The following SRBD1 variants were observed in gnomAD, a reference collection of about 807,000 sequenced individuals.
SRBD1 encodes the protein S1 RNA binding domain 1, also known as S1 RNA-binding domain-containing protein 1.
SRBD1 carries 88 observed loss-of-function variants against 115.3 expected under a neutral mutation model. The ratio of observed to expected loss-of-function variants is 0.76; its 90% CI spans 0.64 to 0.91. SRBD1 has a LOEUF of 0.91. Ranked by LOEUF, SRBD1 falls within the 40% of genes least tolerant of loss-of-function variation. The pLI is 0.00. For missense variants in SRBD1, 1,385 were observed against 1,177.4 expected (o/e 1.18, Z -2.58); for synonymous variants, 509 against 407.7 (o/e 1.25, Z -2.99).
intron 14 of SRBD1, among the ~76,000 whole-genome samples, chr2:45,545,022 T>C (rs62128585): frequency 0.52 from 79,084 of 151,818 alleles, 21,067 homozygotes; most frequent in African/African-American, 0.56. Flanking sequence ...GGCTCATGCC[T>C]GTAATCGCAG....
At chr2:45,438,197 C>G (rs1158150916) in intron 16 of SRBD1, among the ~76,000 whole-genome samples, 1 of 151,958 alleles carries the variant, frequency 6.6e-6, no homozygotes, top group African/African-American at 2.4e-5. Context: ...GAAAAAAATC[C>G]CTATATGATT....
chr2:45,579,982 G>T lies in SRBD1; in HGVS notation c.965C>A (p.Thr322Asn), dbSNP rs764163314. ...SAPYKTGSKG[T>N]KAQRARQLGL... The stretch of plus-strand genomic sequence containing the variant: ...CAACTGTCTTGCTCTCTGGGCTTTA[G>T]TCCCTTTGCTTCCAGTTTTATATGG... Residue 322 changes from threonine to asparagine, a missense_variant, in exon 7 of 21, where the codon ACT becomes AAT. By Grantham distance (65) the Thr-to-Asn change is moderately conservative. Transcript: ENST00000263736. 1.3e-6 allele frequency: 2 copies of T among 1,592,610 alleles called. No homozygotes were observed. Among genetic ancestry groups the T allele is most frequent in the South Asian group, 2.3e-5 (2 of 87,360 alleles).
At chr2:45,424,223 C>CAG (rs1225002283) in intron 16 of SRBD1, among the ~76,000 whole-genome samples, 1 of 152,084 alleles carries the variant, frequency 6.6e-6, no homozygotes, top group Non-Finnish European at 1.5e-5. Context: ...TTAGTTGCCT[C>CAG]ATACTTTGTG....
intron 19 of SRBD1, among the ~76,000 whole-genome samples, chr2:45,393,650 G>A (rs1216333619): frequency 2.6e-5 from 4 of 152,182 alleles, no homozygotes; most frequent in African/African-American, 9.7e-5. Context: ...AAAGTGCTGG[G>A]ATTACAGGCG....
intron 14 of SRBD1, among the ~76,000 whole-genome samples, chr2:45,507,856 C>A (rs763920383): frequency 6.6e-6 from 1 of 152,066 alleles, no homozygotes; most frequent in African/African-American, 2.4e-5. Context: ...AATTGTTGGG[C>A]CTAATTTTTG....
intron 16 of SRBD1, among the ~76,000 whole-genome samples, chr2:45,445,397 C>A (rs1668789940): frequency 6.7e-6 from 1 of 149,448 alleles, no homozygotes; most frequent in Non-Finnish European, 1.5e-5. Context: ...CTGTCAAAAT[C>A]TAATAATGAA....
intron 14 of SRBD1, among the ~76,000 whole-genome samples, chr2:45,517,140 A>G (rs1447680490): frequency 6.6e-6 from 1 of 152,216 alleles, no homozygotes; most frequent in Non-Finnish European, 1.5e-5. Flanking sequence ...TATCTAAAGC[A>G]CCATATAATC....
At chr2:45,465,809 C>T (rs1669469601) in intron 16 of SRBD1, among the ~76,000 whole-genome samples, 1 of 152,102 alleles carries the variant, frequency 6.6e-6, no homozygotes, top group African/African-American at 2.4e-5. Flanking sequence ...CATTTGTGAC[C>T]AGGCTACATT....
At position 45,551,186 on chromosome 2, in the gene SRBD1, GGT is replaced by G; in HGVS notation, c.1612_1613del (p.Thr538LeufsTer9). On this transcript the variant is annotated frameshift_variant, in exon 12 of 21. Transcript: ENST00000263736. LOFTEE classifies it high-confidence loss of function. ...LLLTSPVPGR[T>X]LMGVDPGYKH... ...TATAACCAGGATCCACTCCCATTAA[GGT>G]GCGCCCTGGAACAGGGCTTGTTAAA... The G allele has an allele frequency of 6.2e-7, 1 of 1,612,680 alleles. No individual in the cohort carries two copies. The highest frequency in any genetic ancestry group is 1.6e-4 in the Middle Eastern group (1 of 6,062).
At chr2:45,442,298 G>A (rs541136068) in intron 16 of SRBD1, among the ~76,000 whole-genome samples, 3 of 152,266 alleles carry the variant, frequency 2.0e-5, no homozygotes, top group Non-Finnish European at 2.9e-5. Flanking sequence ...AACAGCATAC[G>A]TTGGTACAGA....
intron 10 of SRBD1, among the ~76,000 whole-genome samples, chr2:45,555,237 T>C (rs926074318): frequency 1.2e-4 from 19 of 152,070 alleles, no homozygotes; most frequent in African/African-American, 4.1e-4. Context: ...AATAAAAATT[T>C]AGCTGGATGT....
chr2:45,575,252 A>T lies in SRBD1; in HGVS notation c.1073-529T>A, dbSNP rs1410894711. Among the ~76,000 whole-genome samples, 3 of 152,220 alleles carry T rather than the reference A, an allele frequency of 2.0e-5. No individual in the cohort carries two copies. The East Asian group carries it at 5.8e-4, about 29-fold the overall frequency. On this transcript the variant is annotated intron_variant, in intron 7 of 20. Coordinates refer to ENST00000263736, the MANE Select transcript of SRBD1 (RefSeq NM_018079.5). ...TCAACGACCCATTTGAATTTCACAA[A>T]TCTCAAAAGCACAAAACAAGAGTTT...
rs772967311 is a variant in SRBD1, at chr2:45,602,019, T to G, written c.145A>C (p.Arg49=). ...TTGGGAGGGGGCTGTTTACGGCTTC[T>G]GGGAACTTTCTTTTGGGGCTCCCAG... ...SAWEPQKKVP[R]SRKQPPPKES... is the part of the protein sequence containing the mutation. The change falls in exon 3 of 21, where the codon AGA becomes CGA. Residue 49 remains arginine, a synonymous_variant. Coordinates refer to ENST00000263736, the MANE Select transcript of SRBD1 (RefSeq NM_018079.5). 6.2e-7 allele frequency: 1 copy of G among 1,614,110 alleles called. No individual in the cohort carries two copies. The highest frequency in any genetic ancestry group is 1.3e-5 in the African/African-American group (1 of 74,946).
intron 16 of SRBD1, chr2:45,447,455 A>C (rs1349275496): frequency 1.3e-5 from 2 of 151,582 alleles, no homozygotes; most frequent in Non-Finnish European, 2.9e-5. Flanking sequence ...TCAAAAACAA[A>C]AAAAAAAGAA....
At chr2:45,396,365 T>C (rs947658220) in intron 19 of SRBD1, among the ~76,000 whole-genome samples, 8 of 152,220 alleles carry the variant, frequency 5.3e-5, no homozygotes, top group Admixed American at 1.3e-4. Flanking sequence ...AGAAATTATA[T>C]ACATGCTTTT....
At chr2:45,531,823 C>T (rs551086818) in intron 14 of SRBD1, among the ~76,000 whole-genome samples, 9 of 151,786 alleles carry the variant, frequency 5.9e-5, no homozygotes, top group Admixed American at 5.9e-4. Flanking sequence ...TTTCTTCAGA[C>T]TCAGTTTCCC....
chr2:45,484,712 G>GGTTTTTCTTTTGGC (rs1225662787), intron 15 of SRBD1, among the ~76,000 whole-genome samples: 1 of 152,134 alleles, frequency 6.6e-6, no homozygotes, highest in Non-Finnish European at 1.5e-5. Context: ...TATGCCAAAA[G>GGTTTTTCTTTTGGC]AAAAACCTGT....
intron 14 of SRBD1, among the ~76,000 whole-genome samples, chr2:45,499,290 GTCT>G (rs1670554966): frequency 6.6e-6 from 1 of 152,066 alleles, no homozygotes; most frequent in African/African-American, 2.4e-5. Flanking sequence ...TTATCTGTAT[GTCT>G]TCTTCTGAGA....
chr2:45,548,510 G>A (rs1056045301), intron 12 of SRBD1, among the ~76,000 whole-genome samples: 19 of 152,052 alleles, frequency 1.2e-4, no homozygotes, highest in African/African-American at 4.6e-4. Flanking sequence ...TAAGAATATA[G>A]ATGTGTTTGT....
Sources: allele counts gnomAD v4.1 joint callset (sites outside exome capture counted in the v4.1 genomes callset), GRCh38; gene constraint gnomAD v4.1.1; transcripts MANE v1.5; gene names NCBI Gene and HGNC (gene_info 2026-07-23, HGNC 2026-07-21).